Variants in CARMIL1 observed in about 807,000 individuals in gnomAD.
CARMIL1 encodes the protein capping protein regulator and myosin 1 linker 1.
In CARMIL1, 90 loss-of-function variants were observed where a neutral mutation model predicts 177.1. That is an observed-to-expected ratio of 0.51 (90% CI 0.43 to 0.61). CARMIL1 has a LOEUF of 0.61. CARMIL1 is among the 20% of genes least tolerant of loss of function. CARMIL1 has a pLI of 0.00. For synonymous variants in CARMIL1, 577 were observed against 606.2 expected, an observed-to-expected ratio of 0.95 and a Z score of 0.71; for missense variants, 1,380 against 1,667.0, an observed-to-expected ratio of 0.83 and a Z score of 3.00.
intron 9 of CARMIL1, among the ~76,000 whole-genome samples, chr6:25,469,051 C>T (rs1339723596): frequency 6.6e-6 from 1 of 152,160 alleles, no homozygotes; most frequent in Non-Finnish European, 1.5e-5. Context: ...AAGAATTATA[C>T]TGATAAGGGT....
intron 8 of CARMIL1, among the ~76,000 whole-genome samples, chr6:25,465,290 G>T (rs1399819307): frequency 3.3e-5 from 5 of 152,022 alleles, no homozygotes; most frequent in Admixed American, 1.3e-4. Flanking sequence ...TTTGGGTGGG[G>T]GCCAAGGTGG....
intron 29 of CARMIL1, among the ~76,000 whole-genome samples, chr6:25,573,590 C>CAAAAAAAAAA (rs5875051): frequency 1.4e-5 from 1 of 69,976 alleles, no homozygotes; most frequent in Non-Finnish European, 2.6e-5. Flanking sequence ...TACCTCTAAG[C>CAAAAAAAAAA]AAAAAAAAAA....
chr6:25,536,741 A>G (rs1808341881), intron 24 of CARMIL1, among the ~76,000 whole-genome samples: 1 of 152,186 alleles, frequency 6.6e-6, no homozygotes, highest in Non-Finnish European at 1.5e-5. Flanking sequence ...TAAAGTCTCT[A>G]TCATTTTGAA....
chr6:25,435,746 C>G (rs1797169532), intron 5 of CARMIL1, 142 bp downstream of exon 5: 3 of 1,053,558 alleles, frequency 2.8e-6, no homozygotes, highest in South Asian at 3.8e-5. Flanking sequence ...ATATCAAAAC[C>G]CTTATCAAAA....
intron 2 of CARMIL1, among the ~76,000 whole-genome samples, chr6:25,296,735 T>C (rs1321187506): frequency 6.6e-6 from 1 of 152,204 alleles, no homozygotes; most frequent in East Asian, 1.9e-4. Context: ...TCCATCTGTC[T>C]TAAATCAGCT....
intron 2 of CARMIL1, among the ~76,000 whole-genome samples, chr6:25,370,469 A>G (rs952868733): frequency 3.9e-5 from 6 of 152,240 alleles, no homozygotes; most frequent in African/African-American, 1.4e-4. Flanking sequence ...ATATAAAGAC[A>G]TGAATGGCCT....
intron 24 of CARMIL1, among the ~76,000 whole-genome samples, chr6:25,530,760 A>G (rs999051331): frequency 1.3e-5 from 2 of 152,214 alleles, no homozygotes; most frequent in African/African-American, 4.8e-5. Context: ...AGGATATGAT[A>G]GCAGAGATGA....
intron 2 of CARMIL1, among the ~76,000 whole-genome samples, chr6:25,394,799 T>A (rs1793214195): frequency 6.6e-6 from 1 of 152,248 alleles, no homozygotes; most frequent in Non-Finnish European, 1.5e-5. Flanking sequence ...TATTTTGGGG[T>A]TTCTGTGAGA....
At chr6:25,479,188 C>A in intron 11 of CARMIL1, 2 of 518,994 alleles carry the variant, frequency 3.9e-6, no homozygotes, top group South Asian at 2.8e-5. Context: ...TGATTACCAG[C>A]CCTGTCCTCT....
Position 25,610,009 on chromosome 6 carries a change from G to T in CARMIL1, c.3848-41G>T, listed in dbSNP as rs377067083. Reference sequence around the variant, plus strand: ...CCAGGCTTTATGTTCTTGGAATCCAGTTTGTGGAACAGTTTGATTCACGTG... The same window carrying T: ...CCAGGCTTTATGTTCTTGGAATCCATTTTGTGGAACAGTTTGATTCACGTG... On this transcript the variant is annotated intron_variant, in intron 35 of 36. Coordinates refer to ENST00000329474, the MANE Select transcript of CARMIL1 (RefSeq NM_017640.6). 95 of 1,572,498 alleles carry T rather than the reference G, an allele frequency of 6.0e-5. 3 individuals are homozygous for T. The highest frequency in any genetic ancestry group is 4.6e-4 in the East Asian group (20 of 43,410).
chr6:25,522,584 G>A (rs1284579608), intron 23 of CARMIL1, among the ~76,000 whole-genome samples: 1 of 152,016 alleles, frequency 6.6e-6, no homozygotes, highest in African/African-American at 2.4e-5. Flanking sequence ...ATCAAGTGTC[G>A]GCTCATCCAG....
intron 31 of CARMIL1, among the ~76,000 whole-genome samples, chr6:25,586,510 A>T (rs1182563057): frequency 7.6e-6 from 1 of 132,048 alleles, no homozygotes; most frequent in Non-Finnish European, 1.6e-5. Flanking sequence ...ATCCCAGACG[A>T]TGGGCGGCCA....
At chr6:25,563,040 TAAG>T (rs886213557) in intron 29 of CARMIL1, among the ~76,000 whole-genome samples, 6 of 152,244 alleles carry the variant, frequency 3.9e-5, no homozygotes, top group Admixed American at 6.5e-5. Flanking sequence ...GGAATATACT[TAAG>T]GAGGAAAAAT....
intron 2 of CARMIL1, among the ~76,000 whole-genome samples, chr6:25,317,075 T>C (rs1003226213): frequency 6.6e-6 from 1 of 152,218 alleles, no homozygotes; most frequent in Non-Finnish European, 1.5e-5. Context: ...GTGCTGTTTA[T>C]TCTCTAATGC....
chr6:25,490,834 C>A lies in CARMIL1; in HGVS notation c.1066-898C>A, dbSNP rs1384808966. 2.0e-5 allele frequency among the ~76,000 whole-genome samples: 3 copies of A among 152,016 alleles called. No homozygotes were observed. In the East Asian group the frequency reaches 5.8e-4, roughly 29 times the overall value. On this transcript the variant is annotated intron_variant, in intron 13 of 36. Transcript: ENST00000329474. Reference sequence around the variant, plus strand: ...GGCTATTTTTTTGCTCTTCTGAATTCCTTGATAGGATTCTTCTGAAGCACC... The same window carrying A: ...GGCTATTTTTTTGCTCTTCTGAATTACTTGATAGGATTCTTCTGAAGCACC...
intron 5 of CARMIL1, among the ~76,000 whole-genome samples, chr6:25,447,703 C>T (rs1448263536): frequency 6.6e-6 from 1 of 151,978 alleles, no homozygotes; most frequent in Non-Finnish European, 1.5e-5. Flanking sequence ...ACAGCTTATT[C>T]CATGGTGAAA....
chr6:25,337,092 T>C lies in CARMIL1; in HGVS notation c.138+52183T>C, dbSNP rs140308012. On this transcript the variant is annotated intron_variant, in intron 2 of 36. Coordinates refer to ENST00000329474, the MANE Select transcript of CARMIL1 (RefSeq NM_017640.6). ...TCAGGGCATATATTATGTTGGAGTA[T>C]GATGTCATGAGGCTTAAGGAAACTA... is the stretch of plus-strand genomic sequence containing the variant. Among the ~76,000 whole-genome samples, 20 of 152,354 alleles carry C rather than the reference T, an allele frequency of 1.3e-4. No homozygotes were observed. The East Asian group carries it at 3.7e-3, about 28-fold the overall frequency.
At chr6:25,510,095 T>G (rs1430208205) in intron 18 of CARMIL1, among the ~76,000 whole-genome samples, 1 of 152,212 alleles carries the variant, frequency 6.6e-6, no homozygotes, top group Non-Finnish European at 1.5e-5. Context: ...TTAGCTTCAT[T>G]TCTGCTGATT....
intron 2 of CARMIL1, among the ~76,000 whole-genome samples, chr6:25,294,114 G>A (rs565279671): frequency 6.6e-5 from 10 of 152,098 alleles, no homozygotes; most frequent in Middle Eastern, 3.4e-3. Context: ...TGCACAGGAC[G>A]TCCTCTTAGA....
Sources: allele counts gnomAD v4.1 joint callset (sites outside exome capture counted in the v4.1 genomes callset), GRCh38; gene constraint gnomAD v4.1.1; transcripts MANE v1.5; gene names NCBI Gene and HGNC (gene_info 2026-07-23, HGNC 2026-07-21).